The following TRABD2B variants were observed in gnomAD, a reference collection of about 807,000 sequenced individuals.
TRABD2B encodes metalloprotease TIKI2.
TRABD2B carries 14 observed loss-of-function variants against 40.1 expected under a neutral mutation model. The ratio of observed to expected loss-of-function variants is 0.35; its 90% CI spans 0.23 to 0.55. TRABD2B has a LOEUF of 0.55. TRABD2B is among the 20% of genes least tolerant of loss of function. TRABD2B has a pLI of 0.90. For synonymous variants in TRABD2B, 263 were observed against 277.0 expected (o/e 0.95, Z 0.50); for missense variants, 541 against 648.6 (o/e 0.83, Z 1.80).
chr1:47,972,604 G>A (rs533176988), intron 2 of TRABD2B, among the ~76,000 whole-genome samples: 11 of 152,242 alleles, frequency 7.2e-5, no homozygotes, highest in Admixed American at 2.6e-4. Context: ...ACCAGAACCC[G>A]AACATGCTGG....
chr1:47,770,879 C>T (rs1002377865), intron 6 of TRABD2B, among the ~76,000 whole-genome samples: 2 of 152,208 alleles, frequency 1.3e-5, no homozygotes, highest in African/African-American at 4.8e-5. Flanking sequence ...GGTGTCAATA[C>T]CAGCTGCAAC....
At chr1:47,885,822 G>A (rs1001226188) in intron 2 of TRABD2B, among the ~76,000 whole-genome samples, 2 of 152,212 alleles carry the variant, frequency 1.3e-5, no homozygotes, top group Non-Finnish European at 2.9e-5. Flanking sequence ...CTGAGATAGA[G>A]CTCAAAGGAG....
intron 2 of TRABD2B, among the ~76,000 whole-genome samples, chr1:47,906,829 C>A (rs758126006): frequency 7.2e-5 from 11 of 152,232 alleles, no homozygotes; most frequent in African/African-American, 2.4e-4. Context: ...AAACACAAGT[C>A]CTTTGGCCTG....
chr1:47,861,986 C>G (rs1274266969), intron 2 of TRABD2B, among the ~76,000 whole-genome samples: 2 of 152,134 alleles, frequency 1.3e-5, no homozygotes, highest in African/African-American at 4.8e-5. Flanking sequence ...CATAATTCAT[C>G]AAATCAGCAG....
At chr1:47,829,307 C>T (rs963620440) in intron 2 of TRABD2B, among the ~76,000 whole-genome samples, 10 of 152,036 alleles carry the variant, frequency 6.6e-5, no homozygotes, top group African/African-American at 2.4e-4. Flanking sequence ...GCTTCACTTA[C>T]CCCCACTCCC....
intron 2 of TRABD2B, among the ~76,000 whole-genome samples, chr1:47,960,380 G>C (rs1241147753): frequency 1.3e-5 from 2 of 152,162 alleles, no homozygotes; most frequent in African/African-American, 4.8e-5. Flanking sequence ...TCAGGCAGGA[G>C]AAAGAAATGA....
At position 47,953,204 on chromosome 1, in the gene TRABD2B, G is replaced by A. The variant is rs561766450; in HGVS notation, c.666+40830C>T. 1.2e-3 allele frequency among the ~76,000 whole-genome samples: 177 copies of A among 152,326 alleles called. 1 individual carries two copies. The highest frequency in any genetic ancestry group is 3.9e-3 in the African/African-American group (163 of 41,582). On this transcript the variant is annotated intron_variant, in intron 2 of 6. Transcript: ENST00000606738. ...CACCAGGCATGCAGGTACTGCACTT[G>A]TCCCAGTGCAGATGATGCACAGAGG...
chr1:47,922,630 T>C (rs1475365638), intron 2 of TRABD2B, among the ~76,000 whole-genome samples: 3 of 152,206 alleles, frequency 2.0e-5, no homozygotes, highest in African/African-American at 7.2e-5. Context: ...AATAAGATAA[T>C]GATATGCACC....
intron 6 of TRABD2B, among the ~76,000 whole-genome samples, chr1:47,769,791 C>G (rs867013684): frequency 6.6e-6 from 1 of 152,240 alleles, no homozygotes; most frequent in South Asian, 2.1e-4. Context: ...AGGCAGAAGC[C>G]TGGCTCTAGC....
At chr1:47,811,028 G>A (rs553632617) in intron 2 of TRABD2B, among the ~76,000 whole-genome samples, 9 of 152,226 alleles carry the variant, frequency 5.9e-5, no homozygotes, top group Non-Finnish European at 1.3e-4. Flanking sequence ...GAGGAAAGTG[G>A]AGAATTTCCA....
chr1:47,868,153 C>T (rs1450300015), intron 2 of TRABD2B, among the ~76,000 whole-genome samples: 2 of 152,194 alleles, frequency 1.3e-5, no homozygotes, highest in African/African-American at 2.4e-5. Flanking sequence ...AAGCACCATT[C>T]GCATTTGGTG....
At chr1:47,959,675 C>G (rs541627816) in intron 2 of TRABD2B, among the ~76,000 whole-genome samples, 1 of 152,262 alleles carries the variant, frequency 6.6e-6, no homozygotes, top group Non-Finnish European at 1.5e-5. Context: ...GAAGTTGAAT[C>G]CCTGAATAGA....
At position 47,778,651 on chromosome 1, in the gene TRABD2B, CAA is replaced by C. The variant is rs1644480218; in HGVS notation, c.989-109_989-108del. On this transcript the variant is annotated intron_variant, in intron 4 of 6. Transcript: ENST00000606738. ...TTGTATCTGGGCCAGTGACCTACAC[CAA>C]AGTCAATGCCCCAGATTCCCTGAGA... The C allele has an allele frequency of 3.0e-5, 23 of 758,096 alleles. No homozygotes were observed. The South Asian group carries it at 3.4e-4, about 11-fold the overall frequency. 47.0% of individuals were successfully genotyped at this position (758,096 alleles called of 1,614,324 possible). A position where few individuals can be genotyped will look rare whatever the true frequency, so the allele number is the denominator to read the frequency against.
At chr1:47,945,250 C>A (rs1311585172) in intron 2 of TRABD2B, among the ~76,000 whole-genome samples, 1 of 152,130 alleles carries the variant, frequency 6.6e-6, no homozygotes, top group African/African-American at 2.4e-5. Flanking sequence ...GATGAGCCCC[C>A]AGGCACATCT....
intron 2 of TRABD2B, among the ~76,000 whole-genome samples, chr1:47,894,438 A>T (rs1402322568): frequency 1.3e-5 from 2 of 152,224 alleles, no homozygotes; most frequent in East Asian, 1.9e-4. Flanking sequence ...AACACAGAAA[A>T]GTCACTAGCC....
chr1:47,794,469 G>C, intron 4 of TRABD2B, 117 bp downstream of exon 4: 1 of 1,202,538 alleles, frequency 8.3e-7, no homozygotes, highest in Non-Finnish European at 1.1e-6. Flanking sequence ...GCACTGTGTG[G>C]CTTTTCCTGC....
chr1:47,828,664 G>T (rs1645209575), intron 2 of TRABD2B, among the ~76,000 whole-genome samples: 1 of 152,134 alleles, frequency 6.6e-6, no homozygotes. Context: ...TTCCCAGAGG[G>T]GCTTCTTCAT....
chr1:47,831,487 G>C (rs2124451051), intron 2 of TRABD2B, among the ~76,000 whole-genome samples: 1 of 152,264 alleles, frequency 6.6e-6, no homozygotes, highest in South Asian at 2.1e-4. Context: ...GCAGACATTT[G>C]TCAGCTCCCA....
Position 47,994,820 on chromosome 1 carries a change from G to A in TRABD2B, c.103-223C>T, listed in dbSNP as rs1646067283. On this transcript the variant is annotated intron_variant, in intron 1 of 6. Transcript: ENST00000606738. The surrounding 1 kb of genome is among the most constrained non-coding windows in gnomAD (Gnocchi z 6.7). ...TTGAGTGAATCATTTCACTTCCACA[G>A]GCTCAGTTTCCTCATCTGTAAAATG... Among the ~76,000 whole-genome samples the A allele has an allele frequency of 6.6e-6, 1 of 152,178 alleles. No homozygotes were observed. Among genetic ancestry groups the A allele is most frequent in the South Asian group, 2.1e-4 (1 of 4,822 alleles).
Sources: allele counts gnomAD v4.1 joint callset (sites outside exome capture counted in the v4.1 genomes callset), GRCh38; gene constraint gnomAD v4.1.1; non-coding constraint Gnocchi (gnomAD v3.1); transcripts MANE v1.5; gene names NCBI Gene and HGNC (gene_info 2026-07-23, HGNC 2026-07-21).